GAD2: variants seen among roughly 807,000 people sequenced by gnomAD.
The protein encoded by GAD2 is glutamate decarboxylase 2.
A neutral mutation model predicts 80.1 loss-of-function variants in GAD2; 22 were observed. The observed-to-expected ratio is 0.27, with a 90% CI of 0.20 to 0.39. The LOEUF is 0.39. GAD2 is among the 10% of genes least tolerant of loss of function. The pLI, the probability that GAD2 is intolerant of heterozygous loss-of-function variation, is 1.00. For synonymous variants in GAD2, 274 were observed against 256.9 expected (o/e 1.07, Z -0.64); for missense variants, 624 against 738.4 (o/e 0.85, Z 1.80).
intron 4 of GAD2, among the ~76,000 whole-genome samples, chr10:26,222,035 C>A (rs1844459089): frequency 1.3e-5 from 2 of 152,138 alleles, no homozygotes; most frequent in Admixed American, 6.5e-5. Context: ...ATCGAGAGAG[C>A]CTGTTGATCT....
chr10:26,282,754 T>C (rs1376966991), intron 12 of GAD2, among the ~76,000 whole-genome samples: 7 of 152,200 alleles, frequency 4.6e-5, no homozygotes, highest in African/African-American at 1.7e-4. Context: ...GTGTTATTAC[T>C]TCTGTGGTTC....
chr10:26,270,789 G>T (rs779956403), intron 10 of GAD2, 33 bp downstream of exon 10: 94 of 1,332,774 alleles, frequency 7.1e-5, no homozygotes, highest in Non-Finnish European at 1.0e-4. Flanking sequence ...CCACTAAAAC[G>T]TCCTTGCACG....
chr10:26,299,674 T>A (rs1834309514), intron 15 of GAD2, among the ~76,000 whole-genome samples: 1 of 152,080 alleles, frequency 6.6e-6, no homozygotes, highest in Admixed American at 6.5e-5. Flanking sequence ...ACCTGACAGT[T>A]GAGGTAGAGA....
At chr10:26,268,296 G>T (rs1014081916) in intron 8 of GAD2, among the ~76,000 whole-genome samples, 3 of 152,000 alleles carry the variant, frequency 2.0e-5, no homozygotes, top group Non-Finnish European at 2.9e-5. Flanking sequence ...GTGAAACCCC[G>T]TCTCTACTAA....
Position 26,293,083 on chromosome 10 carries a change from A to G in GAD2, c.1584+92A>G, listed in dbSNP as rs1429651789. The G allele has an allele frequency of 2.9e-6, 3 of 1,025,642 alleles. No individual in the cohort carries two copies. The East Asian group carries it at 7.2e-5, about 25-fold the overall frequency. 63.5% of individuals were successfully genotyped at this position (1,025,642 alleles called of 1,614,324 possible). ...ACATATGCCTGTGGCCTTAGGAGAC[A>G]GCCTACCTGGGTACATGGGCCCATT... On this transcript the variant is annotated intron_variant, in intron 15 of 15. Transcript: ENST00000376261.
intron 15 of GAD2, among the ~76,000 whole-genome samples, chr10:26,298,584 G>A (rs1237658591): frequency 1.3e-5 from 2 of 152,152 alleles, no homozygotes; most frequent in Non-Finnish European, 2.9e-5. Context: ...AATAATTAGT[G>A]CCATTCTTCT....
chr10:26,280,039 C>CTCACTGGCCAGGTGCTCTGGCCA (rs1418515356), intron 11 of GAD2, among the ~76,000 whole-genome samples: 2 of 152,210 alleles, frequency 1.3e-5, no homozygotes. Context: ...GGCAGCTGCC[C>CTCACTGGCCAGGTGCTCTGGCCA]TCACTGGCCA....
intron 8 of GAD2, among the ~76,000 whole-genome samples, chr10:26,255,006 T>C (rs1844926848): frequency 6.6e-6 from 1 of 152,226 alleles, no homozygotes; most frequent in Non-Finnish European, 1.5e-5. Context: ...GACGAGGTTA[T>C]GAGACACCGA....
At chr10:26,235,327 A>G (rs991730792) in intron 7 of GAD2, among the ~76,000 whole-genome samples, 8 of 152,100 alleles carry the variant, frequency 5.3e-5, no homozygotes, top group African/African-American at 9.7e-5. Flanking sequence ...TCTGCATCCA[A>G]CCAGAAATGT....
At chr10:26,234,884 T>C (rs1451647010) in intron 7 of GAD2, among the ~76,000 whole-genome samples, 1 of 152,190 alleles carries the variant, frequency 6.6e-6, no homozygotes, top group African/African-American at 2.4e-5. Context: ...ATTATTCTTT[T>C]TTTTTTGAGA....
At chr10:26,247,582 C>G (rs1589143189) in intron 8 of GAD2, among the ~76,000 whole-genome samples, 2 of 151,980 alleles carry the variant, frequency 1.3e-5, no homozygotes, top group African/African-American at 4.8e-5. Context: ...AATACGGTGG[C>G]TCACGTGGAA....
At chr10:26,275,686 T>C (rs1348874766) in intron 11 of GAD2, among the ~76,000 whole-genome samples, 1 of 152,244 alleles carries the variant, frequency 6.6e-6, no homozygotes, top group East Asian at 1.9e-4. Context: ...CCACATAATG[T>C]GTATGGCCAC....
intron 7 of GAD2, among the ~76,000 whole-genome samples, chr10:26,236,331 A>G (rs1844671765): frequency 7.4e-6 from 1 of 135,042 alleles, no homozygotes; most frequent in East Asian, 2.1e-4. Flanking sequence ...ATGGAGTCTC[A>G]CTCTTGTCGT....
intron 7 of GAD2, among the ~76,000 whole-genome samples, chr10:26,238,495 T>G (rs1844702760): frequency 6.6e-6 from 1 of 152,268 alleles, no homozygotes; most frequent in African/African-American, 2.4e-5. Context: ...TTCTTGGATC[T>G]CTTTTCATGT....
intron 6 of GAD2, 51 bp downstream of exon 6, chr10:26,224,702 C>T (rs1462203826): frequency 1.5e-6 from 2 of 1,308,466 alleles, no homozygotes; most frequent in African/African-American, 2.9e-5. Flanking sequence ...TATGCAATGC[C>T]TTGTTGTAAA....
intron 8 of GAD2, among the ~76,000 whole-genome samples, chr10:26,260,910 G>A (rs1466893967): frequency 6.6e-6 from 1 of 152,056 alleles, no homozygotes; most frequent in African/African-American, 2.4e-5. Context: ...ATTTTTGTAG[G>A]TCATAGTTGG....
At chr10:26,274,093 G>A (rs371769148) in intron 11 of GAD2, among the ~76,000 whole-genome samples, 9 of 152,032 alleles carry the variant, frequency 5.9e-5, no homozygotes, top group African/African-American at 2.2e-4. Flanking sequence ...AATATCCACT[G>A]CTTAAAAAAA....
chr10:26,222,822 T>C lies in GAD2; in HGVS notation c.521-1065T>C, dbSNP rs116650739. Among the ~76,000 whole-genome samples, 536 of 152,336 alleles carry C rather than the reference T, an allele frequency of 3.5e-3. 7 individuals are homozygous for C. Among genetic ancestry groups the C allele is most frequent in the African/African-American group, 0.013 (520 of 41,570 alleles). On this transcript the variant is annotated intron_variant, in intron 4 of 15. Transcript: ENST00000376261. ...TGCTCTTCCCCATTGCCTTCCTTTATCTTGTTTTGCCTGTGCTGGAGATGA... is the reference window on the plus strand; with the variant it reads ...TGCTCTTCCCCATTGCCTTCCTTTACCTTGTTTTGCCTGTGCTGGAGATGA...
intron 7 of GAD2, among the ~76,000 whole-genome samples, chr10:26,244,528 T>C (rs1266588988): frequency 3.9e-5 from 6 of 152,222 alleles, no homozygotes; most frequent in Non-Finnish European, 7.3e-5. Context: ...GGTATGTACA[T>C]GTAATAGAAT....
Sources: allele counts gnomAD v4.1 joint callset (sites outside exome capture counted in the v4.1 genomes callset), GRCh38; gene constraint gnomAD v4.1.1; transcripts MANE v1.5; gene names NCBI Gene and HGNC (gene_info 2026-07-23, HGNC 2026-07-21).